The following ATP13A5 variants were observed in gnomAD, a reference collection of about 807,000 sequenced individuals.
The protein encoded by ATP13A5 is ATPase 13A5.
ATP13A5 carries 149 observed loss-of-function variants against 150.2 expected under a neutral mutation model. The ratio of observed to expected loss-of-function variants is 0.99; its 90% CI spans 0.87 to 1.14. The LOEUF is 1.14. ATP13A5 is among the 50% of genes most tolerant of loss of function. ATP13A5 has a pLI of 0.00. For synonymous variants in ATP13A5, 497 were observed against 522.2 expected (o/e 0.95, Z 0.66); for missense variants, 1,383 against 1,449.3 (o/e 0.95, Z 0.74).
chr3:193,346,596 T>C (rs1712347611), intron 7 of ATP13A5, among the ~76,000 whole-genome samples: 1 of 152,196 alleles, frequency 6.6e-6, no homozygotes, highest in Admixed American at 6.5e-5. Flanking sequence ...GTAAAACTTT[T>C]TTTCTTTTAG....
At chr3:193,331,419 G>A in intron 11 of ATP13A5, 108 bp from the exon 12 acceptor site, 2 of 1,044,872 alleles carry the variant, frequency 1.9e-6, no homozygotes, top group Non-Finnish European at 1.3e-6. Context: ...GAGCAAAGGA[G>A]ACCTTTGATC....
chr3:193,316,508 A>G (rs1419626590), intron 17 of ATP13A5, among the ~76,000 whole-genome samples: 1 of 152,166 alleles, frequency 6.6e-6, no homozygotes, highest in Non-Finnish European at 1.5e-5. Context: ...TGTTTCAAAT[A>G]GCCATCCTTA....
chr3:193,350,965 T>C, intron 7 of ATP13A5, 102 bp downstream of exon 7: 2 of 1,381,754 alleles, frequency 1.4e-6, no homozygotes, highest in East Asian at 2.4e-5. Context: ...GTTTTATGAC[T>C]TATGGTTGAC....
intron 23 of ATP13A5, among the ~76,000 whole-genome samples, chr3:193,302,163 T>C (rs768663215): frequency 1.9e-4 from 29 of 152,114 alleles, no homozygotes; most frequent in Admixed American, 8.5e-4. Flanking sequence ...CCCAGTAACA[T>C]GGACACCTGC....
chr3:193,314,224 T>C, intron 18 of ATP13A5, 31 bp from the exon 19 acceptor site: 4 of 1,605,880 alleles, frequency 2.5e-6, no homozygotes, highest in Non-Finnish European at 3.4e-6. Context: ...GCTTGCTGTA[T>C]GTACAAACCT....
At chr3:193,343,526 A>G (rs1210403871) in intron 9 of ATP13A5, among the ~76,000 whole-genome samples, 1 of 152,184 alleles carries the variant, frequency 6.6e-6, no homozygotes, top group Non-Finnish European at 1.5e-5. Context: ...TAAAACCTCT[A>G]TGGCCTTCCA....
intron 1 of ATP13A5, among the ~76,000 whole-genome samples, chr3:193,375,867 T>C (rs1354786233): frequency 6.6e-6 from 1 of 152,218 alleles, no homozygotes; most frequent in East Asian, 1.9e-4. Flanking sequence ...CTCCATCCAC[T>C]TAGGCTCTTC....
intron 5 of ATP13A5, among the ~76,000 whole-genome samples, chr3:193,357,602 G>C (rs1712841032): frequency 6.6e-6 from 1 of 152,190 alleles, no homozygotes; most frequent in Non-Finnish European, 1.5e-5. Context: ...AGAAACAAGG[G>C]AGCTGACATT....
chr3:193,323,657 C>T (rs1719364920), intron 14 of ATP13A5: 2 of 152,178 alleles, frequency 1.3e-5, no homozygotes, highest in Admixed American at 6.5e-5. Context: ...GTAAATACAC[C>T]GATTCCTCTC....
chr3:193,295,558 CT>C (rs928686413), intron 25 of ATP13A5, among the ~76,000 whole-genome samples: 1 of 152,046 alleles, frequency 6.6e-6, no homozygotes, highest in Non-Finnish European at 1.5e-5. Context: ...AACAATCAGC[CT>C]TCTCATGCCT....
chr3:193,297,792 T>C (rs991907859), intron 25 of ATP13A5, among the ~76,000 whole-genome samples: 1 of 152,072 alleles, frequency 6.6e-6, no homozygotes, highest in African/African-American at 2.4e-5. Context: ...CATTACCACA[T>C]AACTAATATC....
At chr3:193,376,031 C>A (rs894821446) in intron 1 of ATP13A5, among the ~76,000 whole-genome samples, 4 of 152,136 alleles carry the variant, frequency 2.6e-5, no homozygotes, top group Admixed American at 2.6e-4. Context: ...GAAGGAAGAG[C>A]AAGTGGGGCG....
intron 9 of ATP13A5, among the ~76,000 whole-genome samples, chr3:193,338,058 C>T (rs1168161162): frequency 6.6e-6 from 1 of 152,138 alleles, no homozygotes; most frequent in Admixed American, 6.6e-5. Context: ...TAGAAGAATG[C>T]TTGTGATTTG....
At chr3:193,293,898 C>T (rs1234920801) in intron 25 of ATP13A5, among the ~76,000 whole-genome samples, 4 of 152,076 alleles carry the variant, frequency 2.6e-5, no homozygotes, top group African/African-American at 9.7e-5. Flanking sequence ...GCACCTCCTT[C>T]TCTGGATACT....
intron 23 of ATP13A5, among the ~76,000 whole-genome samples, chr3:193,302,457 G>T (rs1718436008): frequency 6.6e-6 from 1 of 152,138 alleles, no homozygotes; most frequent in South Asian, 2.1e-4. Context: ...CTGCAATCGT[G>T]CATAGTTCCA....
At chr3:193,347,899 T>C (rs1326049341) in intron 7 of ATP13A5, among the ~76,000 whole-genome samples, 1 of 152,200 alleles carries the variant, frequency 6.6e-6, no homozygotes, top group Non-Finnish European at 1.5e-5. Flanking sequence ...CATTCCATTA[T>C]AGCTATCTGC....
intron 7 of ATP13A5, 149 bp from the exon 8 acceptor site, chr3:193,345,224 C>A: frequency 1.4e-6 from 1 of 709,646 alleles, no homozygotes; most frequent in Non-Finnish European, 2.5e-6. Flanking sequence ...AGCTTCCTTG[C>A]TCCAACCCCT....
chr3:193,301,132 G>A, intron 24 of ATP13A5, 79 bp downstream of exon 24: 1 of 1,122,366 alleles, frequency 8.9e-7, no homozygotes, highest in East Asian at 2.4e-5. Flanking sequence ...ATTAAATCTT[G>A]TATAGGAGCT....
intron 8 of ATP13A5, among the ~76,000 whole-genome samples, chr3:193,344,781 A>G (rs985176750): frequency 2.0e-5 from 3 of 152,138 alleles, no homozygotes; most frequent in African/African-American, 4.8e-5. Flanking sequence ...ACAAAATTCA[A>G]TGAGGCCCTT....
Sources: allele counts gnomAD v4.1 joint callset (sites outside exome capture counted in the v4.1 genomes callset), GRCh38; gene constraint gnomAD v4.1.1; transcripts MANE v1.5; gene names NCBI Gene and HGNC (gene_info 2026-07-23, HGNC 2026-07-21).